ODAD2: variants seen among roughly 807,000 people sequenced by gnomAD.
The protein encoded by ODAD2 is outer dynein arm docking complex subunit 2, also known as outer dynein arm-docking complex subunit 2.
Under a neutral mutation model 106.8 loss-of-function variants are expected in ODAD2, and 89 were observed. The observed-to-expected ratio is 0.83, with a 90% CI of 0.70 to 0.99. The LOEUF (loss-of-function observed/expected upper bound fraction) is 0.99, where lower values mean the gene tolerates loss of function less well. Among genes scored for constraint, ODAD2 ranks in the 50% least tolerant of loss-of-function variants. The probability of loss-of-function intolerance (pLI) is 0.00; values close to 1 mark genes in which losing one functional copy is unlikely to be tolerated. For synonymous variants in ODAD2, 404 were observed against 436.2 expected (o/e 0.93, Z 0.92); for missense variants, 1,168 against 1,238.5 (o/e 0.94, Z 0.85).
chr10:27,846,932 T>C (rs1236700511), intron 19 of ODAD2, among the ~76,000 whole-genome samples: 1 of 152,206 alleles, frequency 6.6e-6, no homozygotes, highest in Admixed American at 6.5e-5. Flanking sequence ...CAACAATTAA[T>C]AGCCTACCAA....
intron 16 of ODAD2, among the ~76,000 whole-genome samples, chr10:27,934,722 T>C (rs1370562990): frequency 2.0e-5 from 3 of 152,098 alleles, no homozygotes; most frequent in Non-Finnish European, 4.4e-5. Flanking sequence ...AATACTTCCC[T>C]AGGAGACAGA....
intron 17 of ODAD2, among the ~76,000 whole-genome samples, chr10:27,883,148 G>A (rs1841861224): frequency 6.6e-6 from 1 of 151,852 alleles, no homozygotes; most frequent in African/African-American, 2.4e-5. Context: ...TGACCTTGAG[G>A]TTCTATACAA....
intron 19 of ODAD2, among the ~76,000 whole-genome samples, chr10:27,851,095 A>G (rs2133225077): frequency 6.6e-6 from 1 of 152,288 alleles, no homozygotes; most frequent in East Asian, 1.9e-4. Context: ...GAGGGCAGGA[A>G]AAGAACCACC....
intron 19 of ODAD2, chr10:27,853,210 T>C (rs1839408933): frequency 5.9e-6 from 1 of 168,140 alleles, no homozygotes; most frequent in East Asian, 1.8e-4. Flanking sequence ...CTACTAAAAA[T>C]ACAAAAATTA....
At position 27,944,859 on chromosome 10, in the gene ODAD2, T is replaced by C. The variant is rs771873183; in HGVS notation, c.1490A>G (p.Glu497Gly). The change falls in exon 11 of 20, where the codon GAA becomes GGA. Residue 497 changes from glutamate to glycine, a missense_variant. By Grantham distance (98) the Glu-to-Gly change is moderately conservative. This residue lies in a region of ODAD2 where 701 missense variants were observed against 712.3 expected (regional missense o/e 0.98). Coordinates refer to ENST00000305242, the MANE Select transcript of ODAD2 (RefSeq NM_018076.5). ...QLAIRDVGGL[E>G]VLINLLETDE... The stretch of plus-strand genomic sequence containing the variant: ...GGTTTCAAGCAAATTTATCAGCACT[T>C]CCAGGCCTCCAACATCTCTGATGGC... The C allele has an allele frequency of 1.9e-6, 3 of 1,614,122 alleles. No homozygotes were observed. In the Admixed American group the frequency reaches 5.0e-5, roughly 27 times the overall value.
chr10:27,882,696 T>A (rs1308127353), intron 17 of ODAD2, among the ~76,000 whole-genome samples: 1 of 152,148 alleles, frequency 6.6e-6, no homozygotes, highest in East Asian at 1.9e-4. Flanking sequence ...GCCTTGAAGA[T>A]CAGCAACCTT....
chr10:27,841,101 A>C (rs1005753917), intron 19 of ODAD2, among the ~76,000 whole-genome samples: 2 of 152,166 alleles, frequency 1.3e-5, no homozygotes, highest in Non-Finnish European at 1.5e-5. Context: ...TATATTGACT[A>C]TTTGCTAGTG....
intron 17 of ODAD2, among the ~76,000 whole-genome samples, chr10:27,882,173 A>AAAAGAAAG (rs377482668): frequency 0.21 from 22,787 of 109,554 alleles, 2,666 homozygotes; most frequent in East Asian, 0.24. Context: ...GTCATAAAAA[A>AAAAGAAAG]AAAGAAAGAA....
chr10:27,891,541 T>C (rs1842565135), intron 17 of ODAD2, among the ~76,000 whole-genome samples: 1 of 152,144 alleles, frequency 6.6e-6, no homozygotes, highest in East Asian at 1.9e-4. Context: ...TATTATACAT[T>C]CAGAGTATTT....
intron 17 of ODAD2, among the ~76,000 whole-genome samples, chr10:27,864,300 T>C (rs891237769): frequency 3.3e-5 from 5 of 149,958 alleles, no homozygotes; most frequent in African/African-American, 1.2e-4. Context: ...CTTGGTTTGG[T>C]TTTCTTGGGG....
At chr10:27,909,330 A>T (rs921396108) in intron 16 of ODAD2, among the ~76,000 whole-genome samples, 4 of 152,222 alleles carry the variant, frequency 2.6e-5, no homozygotes, top group Non-Finnish European at 5.9e-5. Context: ...AAAAAGGAAC[A>T]TTCAATCCTG....
rs865958065 is a variant in ODAD2 at position 27,983,492 on chromosome 10, C to T, written c.819+351G>A. 4.6e-5 allele frequency among the ~76,000 whole-genome samples: 7 copies of T among 152,366 alleles called. No homozygotes were observed. In the South Asian group the frequency reaches 1.5e-3, roughly 32 times the overall value. On this transcript the variant is annotated intron_variant, in intron 6 of 19. Coordinates refer to ENST00000305242, the MANE Select transcript of ODAD2 (RefSeq NM_018076.5). ...GTCCCTCCAACTCTTAGGATGCAAG[C>T]TGCAGTTATGACATCTGTATTATCT...
intron 19 of ODAD2, among the ~76,000 whole-genome samples, chr10:27,838,300 C>A (rs1838055608): frequency 6.6e-6 from 1 of 152,136 alleles, no homozygotes; most frequent in Admixed American, 6.5e-5. Flanking sequence ...ACTTCTTATA[C>A]GAGAACACTA....
chr10:27,875,368 C>A (rs1306448489), intron 17 of ODAD2, among the ~76,000 whole-genome samples: 1 of 152,184 alleles, frequency 6.6e-6, no homozygotes, highest in African/African-American at 2.4e-5. Context: ...CAAAGTCATT[C>A]TCTGTCCAGC....
chr10:27,907,878 T>C (rs1843714206), intron 16 of ODAD2, 101 bp from the exon 17 acceptor site: 2 of 873,608 alleles, frequency 2.3e-6, no homozygotes, highest in Non-Finnish European at 3.5e-6. Flanking sequence ...CTTTTGATAT[T>C]TTGCTTAGAA....
intron 17 of ODAD2, among the ~76,000 whole-genome samples, chr10:27,880,322 A>C (rs1409964659): frequency 6.6e-6 from 1 of 152,220 alleles, no homozygotes; most frequent in Non-Finnish European, 1.5e-5. Context: ...CAGTTGAGCT[A>C]TCTGGATGTC....
intron 19 of ODAD2, among the ~76,000 whole-genome samples, chr10:27,821,767 TA>T (rs1836632170): frequency 6.6e-6 from 1 of 152,228 alleles, no homozygotes; most frequent in African/African-American, 2.4e-5. Flanking sequence ...TTTTGGTATC[TA>T]TTTTTTTATC....
chr10:27,954,299 T>C (rs1205597091), intron 10 of ODAD2, among the ~76,000 whole-genome samples: 1 of 152,222 alleles, frequency 6.6e-6, no homozygotes, highest in African/African-American at 2.4e-5. Context: ...GGGAAAAGCA[T>C]ATTTTAAGGA....
chr10:27,825,610 T>C (rs1174017289), intron 19 of ODAD2, among the ~76,000 whole-genome samples: 2 of 152,212 alleles, frequency 1.3e-5, no homozygotes. Flanking sequence ...GTTGTCTTCA[T>C]GACTAAGCTA....
Sources: gnomAD v4.1 joint callset for allele counts (sites outside exome capture counted in the v4.1 genomes callset) on GRCh38, gnomAD v4.1.1 for gene constraint, gnomAD v4.1.1 regional missense constraint, MANE v1.5 for transcripts, NCBI Gene and HGNC (gene_info 2026-07-23, HGNC 2026-07-21) for gene names.